LRRC4C: variants seen among roughly 807,000 people sequenced by gnomAD.
LRRC4C encodes leucine rich repeat containing 4C.
A neutral mutation model predicts 33.6 loss-of-function variants in LRRC4C; 5 were observed. That is an observed-to-expected ratio of 0.15 (90% CI 0.08 to 0.31). The LOEUF is 0.31. Ranked by LOEUF, LRRC4C falls within the 10% of genes least tolerant of loss-of-function variation. The probability of loss-of-function intolerance (pLI) is 1.00; values close to 1 mark genes in which losing one functional copy is unlikely to be tolerated. For missense variants in LRRC4C, 560 were observed against 796.7 expected, an observed-to-expected ratio of 0.70 and a Z score of 3.58; for synonymous variants, 329 against 302.0, an observed-to-expected ratio of 1.09 and a Z score of -0.93.
chr11:41,446,101 C>T (rs947837527), intron 1 of LRRC4C, among the ~76,000 whole-genome samples: 2 of 152,170 alleles, frequency 1.3e-5, no homozygotes, highest in African/African-American at 4.8e-5. Flanking sequence ...TCCCAATTAG[C>T]AAAGTCTAGA....
chr11:40,781,740 T>C (rs1483999315), intron 2 of LRRC4C, among the ~76,000 whole-genome samples: 1 of 152,214 alleles, frequency 6.6e-6, no homozygotes, highest in Non-Finnish European at 1.5e-5. Flanking sequence ...TGGACTCTAA[T>C]CATCTATGCT....
intron 2 of LRRC4C, among the ~76,000 whole-genome samples, chr11:40,714,624 C>A (rs1360495759): frequency 6.6e-6 from 1 of 152,046 alleles, no homozygotes; most frequent in Non-Finnish European, 1.5e-5. Flanking sequence ...CAAGAATGAC[C>A]AACTGTCCCC....
intron 1 of LRRC4C, among the ~76,000 whole-genome samples, chr11:41,270,888 T>C (rs917608796): frequency 1.3e-5 from 2 of 152,082 alleles, no homozygotes; most frequent in Non-Finnish European, 2.9e-5. Flanking sequence ...GCTCCATGTC[T>C]CTCTCTTAGC....
At chr11:41,245,200 T>C (rs892539273) in intron 1 of LRRC4C, among the ~76,000 whole-genome samples, 1 of 152,238 alleles carries the variant, frequency 6.6e-6, no homozygotes, top group African/African-American at 2.4e-5. Flanking sequence ...GGTGTCACTT[T>C]CTGGCCAGAG....
intron 3 of LRRC4C, among the ~76,000 whole-genome samples, chr11:40,477,890 C>G (rs1953324343): frequency 1.3e-5 from 2 of 152,174 alleles, no homozygotes; most frequent in Middle Eastern, 6.8e-3. Context: ...GGGAGGGACC[C>G]AGTGAGAGAT....
At chr11:40,855,469 A>T (rs1282069392) in intron 2 of LRRC4C, among the ~76,000 whole-genome samples, 2 of 152,080 alleles carry the variant, frequency 1.3e-5, no homozygotes, top group African/African-American at 4.8e-5. Context: ...TGGGTTGTGG[A>T]TGCTTGGCAC....
At chr11:40,796,635 C>CTTTTTTT (rs1188389556) in intron 2 of LRRC4C, among the ~76,000 whole-genome samples, 468 of 104,944 alleles carry the variant, frequency 4.5e-3, no homozygotes, top group African/African-American at 6.4e-3. Flanking sequence ...AAGCAGAACT[C>CTTTTTTT]TTTTTTTTTT....
intron 1 of LRRC4C, among the ~76,000 whole-genome samples, chr11:41,361,737 C>T (rs1283471459): frequency 1.3e-5 from 2 of 152,162 alleles, no homozygotes; most frequent in Non-Finnish European, 2.9e-5. Context: ...TGACTAAACA[C>T]ATTTTTTAGT....
chr11:40,267,563 G>A (rs1942371537), intron 4 of LRRC4C, among the ~76,000 whole-genome samples: 1 of 152,112 alleles, frequency 6.6e-6, no homozygotes, highest in Non-Finnish European at 1.5e-5. Flanking sequence ...GTGTTAGCCA[G>A]GATGGTCTTG....
At chr11:41,150,402 A>C (rs147935128) in intron 1 of LRRC4C, among the ~76,000 whole-genome samples, 1 of 152,336 alleles carries the variant, frequency 6.6e-6, no homozygotes, top group Non-Finnish European at 1.5e-5. Flanking sequence ...TATTCCAAAA[A>C]ATAGAGACTT....
At chr11:41,192,139 C>A (rs952137048) in intron 1 of LRRC4C, among the ~76,000 whole-genome samples, 2 of 152,052 alleles carry the variant, frequency 1.3e-5, no homozygotes, top group Non-Finnish European at 2.9e-5. Flanking sequence ...TCTAAAATAG[C>A]ACATACCTCA....
At chr11:40,674,138 G>A (rs1354793846) in intron 2 of LRRC4C, among the ~76,000 whole-genome samples, 1 of 152,134 alleles carries the variant, frequency 6.6e-6, no homozygotes, top group Non-Finnish European at 1.5e-5. Flanking sequence ...GGAAGAGAAG[G>A]AAACATAATA....
intron 4 of LRRC4C, among the ~76,000 whole-genome samples, chr11:40,283,451 T>C (rs1943617416): frequency 6.6e-6 from 1 of 152,082 alleles, no homozygotes; most frequent in Non-Finnish European, 1.5e-5. Context: ...TGTTTTATTA[T>C]GCAAAGTAGT....
intron 3 of LRRC4C, among the ~76,000 whole-genome samples, chr11:40,331,880 T>C (rs1946379490): frequency 6.6e-6 from 1 of 152,146 alleles, no homozygotes; most frequent in African/African-American, 2.4e-5. Flanking sequence ...ATAGTTTCCA[T>C]AATTACATAA....
At chr11:40,725,836 T>G (rs909870517) in intron 2 of LRRC4C, among the ~76,000 whole-genome samples, 4 of 152,138 alleles carry the variant, frequency 2.6e-5, no homozygotes, top group South Asian at 2.1e-4. Flanking sequence ...GCTGCTCCCT[T>G]GGATTGCTTG....
chr11:41,371,012 G>C (rs1258012504), intron 1 of LRRC4C, among the ~76,000 whole-genome samples: 1 of 152,026 alleles, frequency 6.6e-6, no homozygotes, highest in Non-Finnish European at 1.5e-5. Context: ...TCCTTGCTGA[G>C]AAAGATGAAA....
intron 2 of LRRC4C, among the ~76,000 whole-genome samples, chr11:40,912,839 G>A (rs1223790813): frequency 2.6e-5 from 4 of 152,064 alleles, no homozygotes; most frequent in South Asian, 2.1e-4. Context: ...TCAAAATAAA[G>A]GGATGGAGGA....
At chr11:40,145,469 A>G (rs377154087) in intron 5 of LRRC4C, among the ~76,000 whole-genome samples, 30 of 152,326 alleles carry the variant, frequency 2.0e-4, no homozygotes, top group Admixed American at 1.4e-3. Context: ...TTTTATTTCA[A>G]TGTAACCTCA....
At chr11:41,239,695 T>A (rs12272916) in intron 1 of LRRC4C, among the ~76,000 whole-genome samples, 57,265 of 151,944 alleles carry the variant, frequency 0.38, 11,625 homozygotes, top group Non-Finnish European at 0.46. Context: ...ACTGAATTTG[T>A]ACTTTTGTTT....
Sources: allele counts gnomAD v4.1 joint callset (sites outside exome capture counted in the v4.1 genomes callset), GRCh38; gene constraint gnomAD v4.1.1; transcripts MANE v1.5; gene names NCBI Gene and HGNC (gene_info 2026-07-23, HGNC 2026-07-21).